MYLK3: variants seen among roughly 807,000 people sequenced by gnomAD.
The protein encoded by MYLK3 is MLC kinase.
Under a neutral mutation model 76.3 loss-of-function variants are expected in MYLK3, and 55 were observed. The ratio of observed to expected loss-of-function variants is 0.72; its 90% CI spans 0.58 to 0.90. The LOEUF (loss-of-function observed/expected upper bound fraction) is 0.90, where lower values mean the gene tolerates loss of function less well. Among genes scored for constraint, MYLK3 ranks in the 40% least tolerant of loss-of-function variants. The probability of loss-of-function intolerance (pLI) is 0.00; values close to 1 mark genes in which losing one functional copy is unlikely to be tolerated. For missense variants in MYLK3, 973 were observed against 1,053.6 expected (o/e 0.92, Z 1.06); for synonymous variants, 416 against 425.4 (o/e 0.98, Z 0.27).
intron 1 of MYLK3, among the ~76,000 whole-genome samples, chr16:46,754,479 C>T (rs967236042): frequency 1.3e-5 from 2 of 151,968 alleles, no homozygotes; most frequent in Admixed American, 6.6e-5. Context: ...TGGGAGTGGG[C>T]CTGGTGATTT....
At chr16:46,762,461 C>G (rs1020118969) in intron 1 of MYLK3, among the ~76,000 whole-genome samples, 1 of 152,116 alleles carries the variant, frequency 6.6e-6, no homozygotes, top group Non-Finnish European at 1.5e-5. Flanking sequence ...ACCAAGAACA[C>G]GGAGCAATAG....
chr16:46,758,306 T>A (rs77596394), intron 1 of MYLK3, among the ~76,000 whole-genome samples: 1,560 of 11,472 alleles, frequency 0.14, 9 homozygotes, highest in East Asian at 0.22. Flanking sequence ...ACACACACAC[T>A]CTCTCTCTCT....
chr16:46,710,795 G>T lies in MYLK3; in HGVS notation c.2115-6C>A. On this transcript the variant is annotated splice_polypyrimidine_tract_variant and splice_region_variant and intron_variant, in intron 10 of 12. Coordinates refer to ENST00000394809, the MANE Select transcript of MYLK3 (RefSeq NM_182493.3). ...ATGGGGACAAGCCACTGAGTCTATA[G>T]AAGAGAGAAAGGACCATCAGTAGGT... 6.2e-7 allele frequency: 1 copy of T among 1,614,056 alleles called. No individual in the cohort carries two copies. The highest frequency in any genetic ancestry group is 8.5e-7 in the Non-Finnish European group (1 of 1,180,022).
At chr16:46,755,782 C>A (rs948508350) in intron 1 of MYLK3, among the ~76,000 whole-genome samples, 8 of 152,094 alleles carry the variant, frequency 5.3e-5, no homozygotes, top group Non-Finnish European at 1.0e-4. Context: ...ATGAGAATGC[C>A]TGAGAGGCAC....
Position 46,737,735 on chromosome 16 carries a change from T to A in MYLK3, c.977A>T (p.His326Leu). 1 of 1,605,068 alleles carries A rather than the reference T, an allele frequency of 6.2e-7. No homozygotes were observed. Among genetic ancestry groups the A allele is most frequent in the Non-Finnish European group, 8.5e-7 (1 of 1,174,780 alleles). ...PGLPAQARAT[H>L]SGGETPPRIS... is the part of the protein sequence containing the mutation. ...CCTTGGAGGTGTTTCTCCACCACTG[T>A]GGGTTGCCCTGGCCTGGGCTGGCAG... The change falls in exon 3 of 13, where the codon CAC becomes CTC. Residue 326 changes from histidine (H) to leucine (L), a missense_variant. Physicochemically the swap from His to Leu is moderately conservative, Grantham distance 99. Coordinates refer to ENST00000394809, the MANE Select transcript of MYLK3 (RefSeq NM_182493.3).
At position 46,709,582 on chromosome 16, in the gene MYLK3, G is replaced by T. The variant is rs1407557754; in HGVS notation, c.2357C>A (p.Ser786Tyr). ...KASRSKTRLKSQLLLQKYIAQ... is the reference protein window; with the variant it reads ...KASRSKTRLKYQLLLQKYIAQ... ...TATGTATTTCTGCAGCAGTAGTTGG[G>T]ATTTGAGACGAGTTTTGGATCTTGA... The change falls in exon 12 of 13, where the codon TCC becomes TAC. Residue 786 changes from serine (S) to tyrosine (Y), a missense_variant. Ser to Tyr is a moderately radical substitution (Grantham distance 144). Around this residue, in one of 2 missense-constraint regions of MYLK3, gnomAD observed 332 missense variants for 416.6 expected, o/e 0.80. Coordinates refer to ENST00000394809, the MANE Select transcript of MYLK3 (RefSeq NM_182493.3). The T allele has an allele frequency of 6.2e-7, 1 of 1,614,156 alleles. No individual in the cohort carries two copies. The highest frequency in any genetic ancestry group is 1.7e-5 in the Admixed American group (1 of 60,006).
At chr16:46,756,273 T>C (rs942153700) in intron 1 of MYLK3, among the ~76,000 whole-genome samples, 1 of 152,214 alleles carries the variant, frequency 6.6e-6, no homozygotes, top group Non-Finnish European at 1.5e-5. Flanking sequence ...GAAGAATATT[T>C]ACAGTCATAG....
intron 9 of MYLK3, among the ~76,000 whole-genome samples, chr16:46,716,345 G>A (rs1178804587): frequency 3.3e-5 from 5 of 151,252 alleles, no homozygotes; most frequent in South Asian, 2.1e-4. Context: ...TGTTATGAGA[G>A]ATATATATAG....
chr16:46,729,846 C>T lies in MYLK3; in HGVS notation c.1569-159G>A, dbSNP rs745978494. On this transcript the variant is annotated intron_variant, in intron 5 of 12. Transcript: ENST00000394809. ...CACCCCAAAACCCTGCTGGCTATCC[C>T]GAAACCTGCAAAGCAACTCTTCACC... 180 of 643,248 alleles carry T rather than the reference C, an allele frequency of 2.8e-4. 6 individuals carry two copies. Among genetic ancestry groups the T allele is most frequent in the South Asian group, 1.2e-3 (67 of 53,772 alleles). The allele number at this position is 643,248 out of a possible 1,614,324, so 39.8% of individuals were successfully genotyped here. A position where few individuals can be genotyped will look rare whatever the true frequency, so the allele number is the denominator to read the frequency against.
chr16:46,703,837 C>A lies in MYLK3; in HGVS notation c.*3867G>T, dbSNP rs2143011767. 1 of 153,812 alleles carries A rather than the reference C, an allele frequency of 6.5e-6. No homozygotes were observed. The highest frequency in any genetic ancestry group is 2.1e-4 in the South Asian group (1 of 4,832). The allele number at this position is 153,812 out of a possible 1,614,324, so 9.5% of individuals were successfully genotyped here. A position where few individuals can be genotyped will look rare whatever the true frequency, so the allele number is the denominator to read the frequency against. Reference sequence around the variant, plus strand: ...AGGATTCTCTCTAGATCTGCCCTGTCCAATATAGATGCCACTAACCACGTG... The same window carrying A: ...AGGATTCTCTCTAGATCTGCCCTGTACAATATAGATGCCACTAACCACGTG... On this transcript the variant is annotated 3_prime_UTR_variant, in exon 13 of 13. Coordinates refer to ENST00000394809, the MANE Select transcript of MYLK3 (RefSeq NM_182493.3).
At position 46,707,490 on chromosome 16, in the gene MYLK3, C is replaced by T. The variant is rs772835679; in HGVS notation, c.*214G>A. On this transcript the variant is annotated 3_prime_UTR_variant, in exon 13 of 13. Transcript: ENST00000394809. ...TGAAAGGTACTCAGAGCATTTCACA[C>T]GTAGTGATCTTACAAGGCAGAAAAA... 3.6e-5 allele frequency: 19 copies of T among 525,150 alleles called. No individual in the cohort carries two copies. Among genetic ancestry groups the T allele is most frequent in the East Asian group, 6.2e-5 (2 of 32,342 alleles). 32.5% of individuals were successfully genotyped at this position (525,150 alleles called of 1,614,324 possible).
rs1004427394 is a variant in MYLK3 at position 46,703,127 on chromosome 16, A to G, written c.*4577T>C. On this transcript the variant is annotated 3_prime_UTR_variant, in exon 13 of 13. Transcript: ENST00000394809. ...CTCTTCACAAATGGGATGATACCAT[A>G]TATACATTCTATAATTTAAGAAAAA... Among the ~76,000 whole-genome samples the G allele has an allele frequency of 1.3e-5, 2 of 152,172 alleles. No individual in the cohort carries two copies. The highest frequency in any genetic ancestry group is 4.8e-5 in the African/African-American group (2 of 41,440).
At position 46,729,028 on chromosome 16, in the gene MYLK3, C is replaced by G. The variant is rs948459212; in HGVS notation, c.1768G>C (p.Glu590Gln). ...ESKHSCTLVM[E>Q]YVDGGELFDR... is the part of the protein sequence containing the mutation. ...CGCCCCGCCTCTGATACTCACTACT[C>G]CATGACAAGGGTGCAGCTGTGCTTG... Residue 590 changes from glutamate (E) to glutamine (Q), a missense_variant, in exon 7 of 13, where the codon GAG becomes CAG. Around this residue, in one of 2 missense-constraint regions of MYLK3, gnomAD observed 332 missense variants for 416.6 expected, o/e 0.80. Transcript: ENST00000394809. 8.1e-6 allele frequency: 13 copies of G among 1,613,532 alleles called. No individual in the cohort carries two copies. The highest frequency in any genetic ancestry group is 1.1e-5 in the Non-Finnish European group (13 of 1,179,518).
At chr16:46,749,942 A>T (rs1336550343), upstream of MYLK3, among the ~76,000 whole-genome samples, 1 of 152,170 alleles carries the variant, frequency 6.6e-6, no homozygotes, top group African/African-American at 2.4e-5. Context: ...TGGTGGAATG[A>T]CCCAGAACAT....
At chr16:46,712,841 C>T (rs1453258387) in intron 9 of MYLK3, 65 bp from the exon 10 acceptor site, 1 of 1,439,322 alleles carries the variant, frequency 6.9e-7, no homozygotes, top group Middle Eastern at 2.5e-4. Context: ...TGCTGGGGCT[C>T]ATTTCTGGTG....
chr16:46,713,118 T>G (rs927192526), intron 9 of MYLK3, among the ~76,000 whole-genome samples: 2 of 152,028 alleles, frequency 1.3e-5, no homozygotes, highest in African/African-American at 4.8e-5. Flanking sequence ...ATTTCAGTTT[T>G]GCAAGATGAA....
At chr16:46,734,493 A>C (rs1023296129) in intron 3 of MYLK3, among the ~76,000 whole-genome samples, 1 of 152,174 alleles carries the variant, frequency 6.6e-6, no homozygotes, top group Non-Finnish European at 1.5e-5. Context: ...ACGTGCTTGT[A>C]GTCCCAGCTA....
rs112772506 is a variant in MYLK3, at chr16:46,714,007, T to C, written c.1986-1231A>G. On this transcript the variant is annotated intron_variant, in intron 9 of 12. Coordinates refer to ENST00000394809, the MANE Select transcript of MYLK3 (RefSeq NM_182493.3). ...TAGGTGGTAACTTTTATGTTATGTA[T>C]TTTTTTAACCACAATTCCAAAAATA... Among the ~76,000 whole-genome samples the C allele has an allele frequency of 8.8e-3, 1,340 of 152,310 alleles. 19 individuals carry two copies. Among genetic ancestry groups the C allele is most frequent in the African/African-American group, 0.031 (1,277 of 41,564 alleles).
At chr16:46,750,454 G>A (rs970617115), upstream of MYLK3, among the ~76,000 whole-genome samples, 2 of 152,226 alleles carry the variant, frequency 1.3e-5, no homozygotes, top group African/African-American at 4.8e-5. Context: ...CCAGCACTTT[G>A]GGAGGCCAAA....
Sources: gnomAD v4.1 joint callset for allele counts (sites outside exome capture counted in the v4.1 genomes callset) on GRCh38, gnomAD v4.1.1 for gene constraint, gnomAD v4.1.1 regional missense constraint, MANE v1.5 for transcripts, NCBI Gene and HGNC (gene_info 2026-07-23, HGNC 2026-07-21) for gene names.